ST6GALNAC3: variants seen among roughly 807,000 people sequenced by gnomAD.
ST6GALNAC3 encodes the protein alpha-N-acetylgalactosaminide alpha-2,6-sialyltransferase 3.
Under a neutral mutation model 32.7 loss-of-function variants are expected in ST6GALNAC3, and 25 were observed. The observed-to-expected ratio is 0.76, with a 90% CI of 0.56 to 1.07. The LOEUF (loss-of-function observed/expected upper bound fraction) is 1.07. Among genes scored for constraint, ST6GALNAC3 ranks in the 50% least tolerant of loss-of-function variants. The pLI is 0.00. For missense variants in ST6GALNAC3, 355 were observed against 382.4 expected (o/e 0.93, Z 0.60); for synonymous variants, 129 against 133.1 (o/e 0.97, Z 0.21).
chr1:76,141,250 A>C (rs528045710), intron 1 of ST6GALNAC3, among the ~76,000 whole-genome samples: 1 of 152,302 alleles, frequency 6.6e-6, no homozygotes, highest in Non-Finnish European at 1.5e-5. Context: ...TGTGGAGATA[A>C]GTTCTTAGAA....
chr1:76,552,818 C>A (rs1343272940), intron 3 of ST6GALNAC3, among the ~76,000 whole-genome samples: 1 of 152,138 alleles, frequency 6.6e-6, no homozygotes, highest in Non-Finnish European at 1.5e-5. Context: ...CTTATTCTAA[C>A]CCTAATGGTA....
At chr1:76,321,018 T>C (rs973324622) in intron 2 of ST6GALNAC3, among the ~76,000 whole-genome samples, 5 of 151,698 alleles carry the variant, frequency 3.3e-5, no homozygotes, top group African/African-American at 4.9e-5. Flanking sequence ...GGTAGGTGTA[T>C]AGTGTGCCTT....
chr1:76,582,042 G>A (rs1230555301), intron 3 of ST6GALNAC3, among the ~76,000 whole-genome samples: 1 of 152,080 alleles, frequency 6.6e-6, no homozygotes, highest in Non-Finnish European at 1.5e-5. Flanking sequence ...TCCATTTTGA[G>A]AGGGCTAATT....
chr1:76,360,280 A>T (rs60213136), intron 2 of ST6GALNAC3, among the ~76,000 whole-genome samples: 1 of 151,994 alleles, frequency 6.6e-6, no homozygotes, highest in African/African-American at 2.4e-5. Context: ...CAGCCTGTTT[A>T]TCCTTCTTTT....
chr1:76,262,042 T>C (rs533209673), intron 1 of ST6GALNAC3, among the ~76,000 whole-genome samples: 109 of 152,296 alleles, frequency 7.2e-4, no homozygotes, highest in Middle Eastern at 3.4e-3. Flanking sequence ...GCCGAAACCA[T>C]GTATTTTTGA....
chr1:76,179,773 T>C (rs1653063945), intron 1 of ST6GALNAC3, among the ~76,000 whole-genome samples: 1 of 152,190 alleles, frequency 6.6e-6, no homozygotes, highest in Non-Finnish European at 1.5e-5. Flanking sequence ...CTGGCCATAA[T>C]TTCCTCCTTT....
At chr1:76,366,969 G>A (rs1043863175) in intron 2 of ST6GALNAC3, among the ~76,000 whole-genome samples, 1 of 152,192 alleles carries the variant, frequency 6.6e-6, no homozygotes, top group African/African-American at 2.4e-5. Context: ...AGCCATATCA[G>A]TGTCAGAAAA....
At chr1:76,281,611 C>T (rs1013939489) in intron 1 of ST6GALNAC3, among the ~76,000 whole-genome samples, 2 of 152,186 alleles carry the variant, frequency 1.3e-5, no homozygotes, top group Non-Finnish European at 2.9e-5. Context: ...ACAGACAGCA[C>T]CCTTCTGTTT....
chr1:76,352,663 G>A (rs1047005849), intron 2 of ST6GALNAC3, among the ~76,000 whole-genome samples: 1 of 151,604 alleles, frequency 6.6e-6, no homozygotes, highest in South Asian at 2.1e-4. Flanking sequence ...GCCCTGACTC[G>A]TACCATGAGC....
At chr1:76,459,524 A>G (rs1291808602) in intron 3 of ST6GALNAC3, among the ~76,000 whole-genome samples, 1 of 151,622 alleles carries the variant, frequency 6.6e-6, no homozygotes, top group Non-Finnish European at 1.5e-5. Flanking sequence ...AGATTGCTCC[A>G]CTGCACTCCA....
At chr1:76,625,424 A>G (rs902663314) in intron 3 of ST6GALNAC3, among the ~76,000 whole-genome samples, 1 of 151,914 alleles carries the variant, frequency 6.6e-6, no homozygotes, top group Non-Finnish European at 1.5e-5. Context: ...CAGCCTGATA[A>G]TGAAGAATAG....
chr1:76,414,238 T>G (rs1425146622), intron 3 of ST6GALNAC3, among the ~76,000 whole-genome samples: 2 of 152,122 alleles, frequency 1.3e-5, no homozygotes, highest in Non-Finnish European at 2.9e-5. Flanking sequence ...ATCATTCGAT[T>G]GGTAGAGTTA....
At chr1:76,171,817 CAAA>C (rs11316194) in intron 1 of ST6GALNAC3, among the ~76,000 whole-genome samples, 3,944 of 133,048 alleles carry the variant, frequency 0.03, 69 homozygotes, top group African/African-American at 0.054. Flanking sequence ...AAAACAACAA[CAAA>C]AAAAAAAAAA....
At chr1:76,091,551 T>C (rs1647046188) in intron 1 of ST6GALNAC3, among the ~76,000 whole-genome samples, 1 of 152,258 alleles carries the variant, frequency 6.6e-6, no homozygotes, top group Non-Finnish European at 1.5e-5. Context: ...GCACCACATA[T>C]AGTCATGTGC....
chr1:76,279,454 T>G (rs1659371302), intron 1 of ST6GALNAC3, among the ~76,000 whole-genome samples: 1 of 152,180 alleles, frequency 6.6e-6, no homozygotes, highest in Admixed American at 6.5e-5. Flanking sequence ...TTATTATCAA[T>G]CAACCTGTGC....
In ST6GALNAC3 at chr1:76,633,249, A is replaced by G. The variant is rs1321280592; in HGVS notation, c.*4443A>G. The G allele has an allele frequency of 6.6e-6, 1 of 152,210 alleles. No individual in the cohort carries two copies. The highest frequency in any genetic ancestry group is 1.5e-5 in the Non-Finnish European group (1 of 68,030). 9.4% of individuals were successfully genotyped at this position (152,210 alleles called of 1,614,324 possible). ...TTTTTAGACAGAAGAGTAGCTGGAAAAAGAATGCCTAACTGATTTACTAAA... is the reference window on the plus strand; with the variant it reads ...TTTTTAGACAGAAGAGTAGCTGGAAGAAGAATGCCTAACTGATTTACTAAA... On this transcript the variant is annotated 3_prime_UTR_variant, in exon 5 of 5. Coordinates refer to ENST00000328299, the MANE Select transcript of ST6GALNAC3 (RefSeq NM_152996.4).
chr1:76,240,695 T>C (rs1489812751), intron 1 of ST6GALNAC3, among the ~76,000 whole-genome samples: 2 of 152,198 alleles, frequency 1.3e-5, no homozygotes, highest in Admixed American at 6.5e-5. Flanking sequence ...GTTGAGCCAA[T>C]TGCCTCCCAC....
At chr1:76,270,538 G>A (rs1226793232) in intron 1 of ST6GALNAC3, among the ~76,000 whole-genome samples, 4 of 148,006 alleles carry the variant, frequency 2.7e-5, no homozygotes, top group Non-Finnish European at 4.5e-5. Context: ...AAAAAAGTTG[G>A]CAACCTTAGA....
intron 1 of ST6GALNAC3, among the ~76,000 whole-genome samples, chr1:76,227,948 A>G (rs1432952671): frequency 6.6e-6 from 1 of 152,106 alleles, no homozygotes; most frequent in African/African-American, 2.4e-5. Context: ...GTGTTCAGGG[A>G]AAAAAAAGTC....
Sources: gnomAD v4.1 joint callset for allele counts (sites outside exome capture counted in the v4.1 genomes callset) on GRCh38, gnomAD v4.1.1 for gene constraint, MANE v1.5 for transcripts, NCBI Gene and HGNC (gene_info 2026-07-23, HGNC 2026-07-21) for gene names.